ADCY8: variants seen among roughly 807,000 people sequenced by gnomAD.
ADCY8 encodes adenylate cyclase type 8.
In ADCY8, 51 loss-of-function variants were observed where a neutral mutation model predicts 119.7. The ratio of observed to expected loss-of-function variants is 0.43; its 90% CI spans 0.34 to 0.54. The LOEUF (loss-of-function observed/expected upper bound fraction) is 0.54, where lower values mean the gene tolerates loss of function less well. Among genes scored for constraint, ADCY8 ranks in the 20% least tolerant of loss-of-function variants. ADCY8 has a pLI of 0.03. For synonymous variants in ADCY8, 665 were observed against 651.0 expected (o/e 1.02, Z -0.33); for missense variants, 1,383 against 1,598.8 (o/e 0.87, Z 2.30).
chr8:130,988,023 A>T (rs575492118), intron 2 of ADCY8, among the ~76,000 whole-genome samples: 1 of 152,358 alleles, frequency 6.6e-6, no homozygotes, highest in South Asian at 2.1e-4. Context: ...CTAACCATTA[A>T]GGAGACTTTT....
intron 1 of ADCY8, among the ~76,000 whole-genome samples, chr8:131,022,662 G>C (rs74649105): frequency 6.6e-6 from 1 of 152,126 alleles, no homozygotes; most frequent in Non-Finnish European, 1.5e-5. Context: ...CCAGGTAAAA[G>C]AATGAACCAT....
At chr8:130,964,417 A>G (rs1308047471) in intron 2 of ADCY8, among the ~76,000 whole-genome samples, 4 of 152,160 alleles carry the variant, frequency 2.6e-5, no homozygotes, top group Non-Finnish European at 5.9e-5. Flanking sequence ...TAGTTTTATC[A>G]TCTGTTAGTG....
At chr8:130,908,076 T>C (rs1458916642) in intron 6 of ADCY8, among the ~76,000 whole-genome samples, 2 of 152,248 alleles carry the variant, frequency 1.3e-5, no homozygotes, top group African/African-American at 4.8e-5. Context: ...CATGATGTCA[T>C]TCCTTTTTAT....
intron 1 of ADCY8, among the ~76,000 whole-genome samples, chr8:131,026,419 G>T (rs547780353): frequency 2.0e-5 from 3 of 152,248 alleles, no homozygotes; most frequent in Non-Finnish European, 4.4e-5. Flanking sequence ...GTCAGTTATG[G>T]TATATTGCTA....
chr8:131,005,608 C>G (rs547765097), intron 1 of ADCY8, among the ~76,000 whole-genome samples: 10 of 152,230 alleles, frequency 6.6e-5, no homozygotes, highest in Admixed American at 1.3e-4. Context: ...GTTTCTTCAT[C>G]TTTAGTTTCC....
intron 14 of ADCY8, among the ~76,000 whole-genome samples, chr8:130,802,633 G>T (rs1425851588): frequency 6.6e-6 from 1 of 152,198 alleles, no homozygotes; most frequent in Non-Finnish European, 1.5e-5. Flanking sequence ...TCCCCAGTTG[G>T]ATATGTGCTC....
At chr8:130,982,416 T>G (rs963240904) in intron 2 of ADCY8, among the ~76,000 whole-genome samples, 1 of 152,238 alleles carries the variant, frequency 6.6e-6, no homozygotes, top group Non-Finnish European at 1.5e-5. Flanking sequence ...ATTGGGGCGT[T>G]GGTGAAATTT....
chr8:130,827,659 CTG>C (rs745505384), intron 12 of ADCY8, among the ~76,000 whole-genome samples: 2 of 152,144 alleles, frequency 1.3e-5, no homozygotes, highest in Non-Finnish European at 2.9e-5. Flanking sequence ...TTGTGTATGT[CTG>C]TGTCCTAAAT....
intron 1 of ADCY8, among the ~76,000 whole-genome samples, chr8:130,999,213 T>C (rs879486121): frequency 2.6e-5 from 4 of 152,130 alleles, no homozygotes; most frequent in Non-Finnish European, 4.4e-5. Flanking sequence ...TGAATTCCAA[T>C]TGCCCACCTC....
In ADCY8 at chr8:131,040,510, G is replaced by T; in HGVS notation, c.-177C>A. The T allele has an allele frequency of 1.6e-6, 1 of 636,400 alleles. No individual in the cohort carries two copies. The highest frequency in any genetic ancestry group is 2.3e-6 in the Non-Finnish European group (1 of 437,386). The allele number at this position is 636,400 out of a possible 1,614,324, so 39.4% of individuals were successfully genotyped here. ...TGTAGGTCGGGTCATACTGTGCCCA[G>T]GGGCAAAGGGCACCTGGAAGATCGC... On this transcript the variant is annotated 5_prime_UTR_variant, in exon 1 of 18. The change creates a new upstream start codon in the 5' untranslated region. Transcript: ENST00000286355.
intron 15 of ADCY8, among the ~76,000 whole-genome samples, chr8:130,795,259 G>A (rs571140857): frequency 3.3e-4 from 51 of 152,248 alleles, no homozygotes; most frequent in African/African-American, 9.9e-4. Context: ...GCCTCCATGC[G>A]GTAAAATAAT....
intron 2 of ADCY8, among the ~76,000 whole-genome samples, chr8:130,981,587 G>A (rs1281923507): frequency 6.6e-6 from 1 of 152,050 alleles, no homozygotes; most frequent in African/African-American, 2.4e-5. Flanking sequence ...TGGATCAAAG[G>A]TGTTGAGGTC....
At chr8:130,924,930 C>T (rs774382568) in intron 5 of ADCY8, among the ~76,000 whole-genome samples, 51 of 151,926 alleles carry the variant, frequency 3.4e-4, no homozygotes, top group Middle Eastern at 3.4e-3. Context: ...CTCAAGCGTC[C>T]GGGCACGGTG....
In ADCY8 at chr8:130,796,104, G is replaced by T. The variant is rs149409059; in HGVS notation, c.3060+4322C>A. Among the ~76,000 whole-genome samples the T allele has an allele frequency of 7.1e-3, 1,084 of 152,292 alleles. 13 individuals carry two copies. Among genetic ancestry groups the T allele is most frequent in the African/African-American group, 0.025 (1,030 of 41,560 alleles). ...TTTCCCCCAGCTTTCTGCTGGTGGT[G>T]GACTGATCTGATGTGGTCCTGTGGA... On this transcript the variant is annotated intron_variant, in intron 15 of 17. Transcript: ENST00000286355.
Position 130,990,389 on chromosome 8 carries a change from G to C in ADCY8, c.1110+4C>G. The C allele has an allele frequency of 6.2e-7, 1 of 1,614,020 alleles. No homozygotes were observed. The highest frequency in any genetic ancestry group is 8.5e-7 in the Non-Finnish European group (1 of 1,179,952). On this transcript the variant is annotated splice_donor_region_variant and intron_variant, in intron 2 of 17. Transcript: ENST00000286355. ...CTAAAACACACAGCCTTGTCAGTTG[G>C]TACCTGTCTTTGGTTCTCTGTCTCC...
At chr8:130,810,385 C>CACA (rs1277113947) in intron 14 of ADCY8, among the ~76,000 whole-genome samples, 2 of 145,938 alleles carry the variant, frequency 1.4e-5, no homozygotes, top group South Asian at 2.2e-4. Flanking sequence ...CACACACACA[C>CACA]ACTAGTCTTG....
At chr8:131,028,119 T>C (rs1355864558) in intron 1 of ADCY8, among the ~76,000 whole-genome samples, 1 of 152,170 alleles carries the variant, frequency 6.6e-6, no homozygotes, top group Non-Finnish European at 1.5e-5. Flanking sequence ...CTTTTAGACA[T>C]GAAGAAATTT....
intron 12 of ADCY8, among the ~76,000 whole-genome samples, chr8:130,829,581 T>G (rs1024102550): frequency 2.0e-5 from 3 of 152,202 alleles, no homozygotes; most frequent in African/African-American, 4.8e-5. Flanking sequence ...CTAAACATGT[T>G]GTAGATGGTT....
At chr8:130,834,511 C>T (rs748655796) in intron 12 of ADCY8, among the ~76,000 whole-genome samples, 27 of 152,116 alleles carry the variant, frequency 1.8e-4, no homozygotes, top group Non-Finnish European at 3.5e-4. Context: ...ACGCAGATAC[C>T]CTACAATCCA....
Sources: gnomAD v4.1 joint callset for allele counts (sites outside exome capture counted in the v4.1 genomes callset) on GRCh38, gnomAD v4.1.1 for gene constraint, MANE v1.5 for transcripts, NCBI Gene and HGNC (gene_info 2026-07-23, HGNC 2026-07-21) for gene names.